DNAJC12: variants seen among roughly 807,000 people sequenced by gnomAD.
The protein encoded by DNAJC12 is dnaJ homolog subfamily C member 12.
DNAJC12 carries 25 observed loss-of-function variants against 28.5 expected under a neutral mutation model. That is an observed-to-expected ratio of 0.88 (90% CI 0.64 to 1.22). The LOEUF is 1.22. DNAJC12 is among the 50% of genes most tolerant of loss of function. The pLI is 0.00. For missense variants in DNAJC12, 222 were observed against 231.7 expected, an observed-to-expected ratio of 0.96 and a Z score of 0.27; for synonymous variants, 77 against 80.6, an observed-to-expected ratio of 0.95 and a Z score of 0.24.
intron 2 of DNAJC12, among the ~76,000 whole-genome samples, chr10:67,817,139 C>T (rs1271885761): frequency 6.6e-6 from 1 of 151,962 alleles, no homozygotes; most frequent in Non-Finnish European, 1.5e-5. Context: ...CCTTGGGCTG[C>T]TACATAAAAC....
chr10:67,826,467 C>CAT lies in DNAJC12; in HGVS notation c.79-3077_79-3076dup, dbSNP rs71006171. ...CACTTTTAATGCATATATATATATGCATATATATATATATAAGATGCTTAT... is the reference window on the plus strand; with the variant it reads ...CACTTTTAATGCATATATATATATGCATATATATATATATATAAGATGCTTAT... On this transcript the variant is annotated intron_variant, in intron 1 of 4. Transcript: ENST00000225171. Among the ~76,000 whole-genome samples the CAT allele has an allele frequency of 9.7e-4, 137 of 140,724 alleles. 2 individuals carry two copies. In the East Asian group the frequency reaches 0.019, roughly 19 times the overall value. The allele number at this position is 140,724 out of a possible 152,430, so 92.3% of individuals were successfully genotyped here.
chr10:67,825,241 G>C (rs1476766441), intron 1 of DNAJC12: 2 of 152,222 alleles, frequency 1.3e-5, no homozygotes, highest in African/African-American at 4.8e-5. Context: ...CATTCAGCTA[G>C]TTACTAAAAA....
At position 67,811,541 on chromosome 10, in the gene DNAJC12, T is replaced by C. The variant is rs766093001; in HGVS notation, c.280A>G (p.Asn94Asp). 2 of 1,614,148 alleles carry C rather than the reference T, an allele frequency of 1.2e-6. No homozygotes were observed. The highest frequency in any genetic ancestry group is 1.7e-6 in the Non-Finnish European group (2 of 1,180,010). The change falls in exon 3 of 5, where the codon AAT (asparagine) becomes GAT (aspartate). Residue 94 changes from asparagine to aspartate, a missense_variant. By Grantham distance (23) the Asn-to-Asp change is conservative. Transcript: ENST00000225171. ...AAACCCACCGTCTTCACTGAGTCAT[T>C]CAAAGCTTCCCACTGCTGGAATGGC... ...SMPFQQWEAL[N>D]DSVKTSMHWV...
At chr10:67,817,860 A>G (rs146259057) in intron 2 of DNAJC12, among the ~76,000 whole-genome samples, 1 of 152,160 alleles carries the variant, frequency 6.6e-6, no homozygotes, top group African/African-American at 2.4e-5. Flanking sequence ...TTCGGGCGAT[A>G]GAGCAAGACT....
At chr10:67,830,908 G>C (rs1434063532) in intron 1 of DNAJC12, among the ~76,000 whole-genome samples, 1 of 152,062 alleles carries the variant, frequency 6.6e-6, no homozygotes, top group Non-Finnish European at 1.5e-5. Flanking sequence ...ATACACATAG[G>C]CCAGGTGTGG....
chr10:67,832,472 T>A lies in DNAJC12; in HGVS notation c.78+5462A>T, dbSNP rs75670196. Among the ~76,000 whole-genome samples the A allele has an allele frequency of 5.4e-3, 828 of 152,174 alleles. 7 individuals carry two copies. Among genetic ancestry groups the A allele is most frequent in the African/African-American group, 0.019 (793 of 41,540 alleles). ...ATTAAGTCATGAGGCATAGAAACAATTTGAGACACAAAATAAATAATGGTA... is the reference window on the plus strand; with the variant it reads ...ATTAAGTCATGAGGCATAGAAACAAATTGAGACACAAAATAAATAATGGTA... On this transcript the variant is annotated intron_variant, in intron 1 of 4. Transcript: ENST00000225171.
intron 2 of DNAJC12, chr10:67,816,205 A>G: frequency 2.5e-6 from 1 of 397,356 alleles, no homozygotes. Flanking sequence ...CACATTTTAA[A>G]TGTATGCCAT....
chr10:67,817,435 C>T (rs981520819), intron 2 of DNAJC12, among the ~76,000 whole-genome samples: 20 of 152,034 alleles, frequency 1.3e-4, no homozygotes, highest in African/African-American at 2.9e-4. Flanking sequence ...ATTTAGTGGA[C>T]GAAAAAGGTA....
intron 1 of DNAJC12, among the ~76,000 whole-genome samples, chr10:67,826,709 C>A (rs1842035557): frequency 2.7e-5 from 3 of 112,948 alleles, no homozygotes; most frequent in Non-Finnish European, 5.2e-5. Context: ...TTATATATAT[C>A]ACTATATATA....
intron 1 of DNAJC12, among the ~76,000 whole-genome samples, chr10:67,826,771 GATATATAAT>G (rs1554885329): frequency 2.7e-5 from 2 of 73,334 alleles, no homozygotes; most frequent in African/African-American, 4.3e-5. Flanking sequence ...GATATCTAAT[GATATATAAT>G]ATATATCATT....
chr10:67,831,260 T>C (rs938839108), intron 1 of DNAJC12, among the ~76,000 whole-genome samples: 1 of 152,210 alleles, frequency 6.6e-6, no homozygotes, highest in Non-Finnish European at 1.5e-5. Context: ...AGATATAGCA[T>C]ATATGCACAG....
At chr10:67,825,726 G>A (rs999364088) in intron 1 of DNAJC12, 3 of 4,862 alleles carry the variant, frequency 6.2e-4, no homozygotes, top group African/African-American at 8.1e-4. Context: ...AAAGTCAGAC[G>A]GTATTAGATA....
At position 67,811,638 on chromosome 10, in the gene DNAJC12, C is replaced by T. The variant is rs914922661; in HGVS notation, c.183G>A (p.Lys61=). The T allele has an allele frequency of 1.2e-6, 2 of 1,613,292 alleles. No homozygotes were observed. Among genetic ancestry groups the T allele is most frequent in the Non-Finnish European group, 1.7e-6 (2 of 1,179,742 alleles). The change falls in exon 3 of 5, where the codon AAG becomes AAA. Residue 61 remains lysine, a synonymous_variant. Coordinates refer to ENST00000225171, the MANE Select transcript of DNAJC12 (RefSeq NM_021800.3). Reference sequence around the variant, plus strand: ...CTTCATTGGTCAGAATCTCCTTTGCCTTCTGCAGTTTCTGAAAAGTCTCCA... The same window carrying T: ...CTTCATTGGTCAGAATCTCCTTTGCTTTCTGCAGTTTCTGAAAAGTCTCCA... ...KAVETFQKLQ[K]AKEILTNEES... is the part of the protein sequence containing the mutation.
At chr10:67,829,850 A>G (rs1842076108) in intron 1 of DNAJC12, among the ~76,000 whole-genome samples, 1 of 152,122 alleles carries the variant, frequency 6.6e-6, no homozygotes. Context: ...GATTTTTAAC[A>G]ACCTGAGAAA....
At chr10:67,821,627 G>C (rs1841981962) in intron 2 of DNAJC12, among the ~76,000 whole-genome samples, 1 of 152,212 alleles carries the variant, frequency 6.6e-6, no homozygotes, top group South Asian at 2.1e-4. Flanking sequence ...CGGAACATAT[G>C]TGGGCATCTG....
intron 1 of DNAJC12, among the ~76,000 whole-genome samples, chr10:67,826,209 A>G (rs1842027926): frequency 6.7e-6 from 1 of 149,266 alleles, no homozygotes; most frequent in Admixed American, 6.7e-5. Context: ...ATCTCGGTTC[A>G]CTGCAACCTG....
intron 4 of DNAJC12, among the ~76,000 whole-genome samples, chr10:67,803,301 C>T (rs1039584351): frequency 4.6e-5 from 7 of 152,118 alleles, no homozygotes; most frequent in Non-Finnish European, 1.0e-4. Flanking sequence ...TTAACCACTG[C>T]GTAACACAGA....
chr10:67,837,397 T>C (rs1842150892), intron 1 of DNAJC12, among the ~76,000 whole-genome samples: 2 of 152,172 alleles, frequency 1.3e-5, no homozygotes, highest in Admixed American at 6.5e-5. Context: ...AGTTTTCACA[T>C]GTTTTGTTTC....
intron 3 of DNAJC12, chr10:67,808,731 T>C (rs1589604536): frequency 1.3e-5 from 2 of 152,190 alleles, no homozygotes; most frequent in African/African-American, 4.8e-5. Context: ...TGAATAGCTA[T>C]ACAAAATTGA....
Sources: gnomAD v4.1 joint callset for allele counts (sites outside exome capture counted in the v4.1 genomes callset) on GRCh38, gnomAD v4.1.1 for gene constraint, MANE v1.5 for transcripts, NCBI Gene and HGNC (gene_info 2026-07-23, HGNC 2026-07-21) for gene names.